LRRC28: variants seen among roughly 807,000 people sequenced by gnomAD.
LRRC28 encodes leucine-rich repeat-containing protein 28.
Under a neutral mutation model 45.7 loss-of-function variants are expected in LRRC28, and 39 were observed. The ratio of observed to expected loss-of-function variants is 0.85; its 90% confidence interval spans 0.66 to 1.12. The LOEUF is 1.12. Ranked by LOEUF, LRRC28 falls within the 50% of genes most tolerant of loss-of-function variation. The pLI is 0.00. For synonymous variants in LRRC28, 206 were observed against 178.8 expected (o/e 1.15, Z -1.22); for missense variants, 435 against 438.5 (o/e 0.99, Z 0.07).
chr15:99,379,020 C>T (rs200926595), intron 9 of LRRC28, among the ~76,000 whole-genome samples: 21,093 of 148,620 alleles, frequency 0.14, 1,565 homozygotes, highest in African/African-American at 0.16. Context: ...TTGTGTCTCG[C>T]CAGGCTTTGG....
Position 99,361,521 on chromosome 15 carries a change from A to C in LRRC28, c.871+10A>C. 6.4e-7 allele frequency: 1 copy of C among 1,562,412 alleles called. No homozygotes were observed. The highest frequency in any genetic ancestry group is 8.6e-7 in the Non-Finnish European group (1 of 1,156,428). The stretch of plus-strand genomic sequence containing the variant: ...CACAGCTTGCTGAAAGGTACGTGGG[A>C]CTTCTGGTTTTCTTATTTTTCTCTC... On this transcript the variant is annotated intron_variant, in intron 8 of 9. Transcript: ENST00000301981.
chr15:99,272,483 G>C (rs927430285), intron 2 of LRRC28, among the ~76,000 whole-genome samples: 1 of 152,196 alleles, frequency 6.6e-6, no homozygotes, highest in East Asian at 1.9e-4. Flanking sequence ...AATGCACAGT[G>C]CCCACCAGAA....
At position 99,389,562 on chromosome 15, in the gene LRRC28, A is replaced by C. The variant is rs575231109; in HGVS notation, c.*3460A>C. On this transcript the variant is annotated 3_prime_UTR_variant, in exon 10 of 10. Transcript: ENST00000301981. ...ATGGATTTCTAACTGGACCAACACT[A>C]ATGTTGCAACCTGATAAAATTTGAG... is the stretch of plus-strand genomic sequence containing the variant. 5.9e-5 allele frequency: 9 copies of C among 152,270 alleles called. No homozygotes were observed. The highest frequency in any genetic ancestry group is 5.9e-4 in the Admixed American group (9 of 15,302). The allele number at this position is 152,270 out of a possible 1,614,324, so 9.4% of individuals were successfully genotyped here.
chr15:99,337,236 T>C (rs1956355322), intron 6 of LRRC28, among the ~76,000 whole-genome samples: 1 of 152,190 alleles, frequency 6.6e-6, no homozygotes, highest in Non-Finnish European at 1.5e-5. Context: ...GGCAGTGTTG[T>C]TGGGAGAATA....
chr15:99,331,491 C>G (rs1180173468), intron 5 of LRRC28, among the ~76,000 whole-genome samples: 1 of 152,130 alleles, frequency 6.6e-6, no homozygotes, highest in Non-Finnish European at 1.5e-5. Flanking sequence ...TGCCTCTGTC[C>G]TAGTCAAATG....
Position 99,389,672 on chromosome 15 carries a change from A to G in LRRC28, c.*3570A>G, listed in dbSNP as rs1255547866. On this transcript the variant is annotated 3_prime_UTR_variant, in exon 10 of 10. Transcript: ENST00000301981. ...ATCCTTACATTACCCTGCCTGTTTT[A>G]TTATGCCTTCATTTTTGTGGTTTTC... 1.3e-5 allele frequency: 2 copies of G among 151,984 alleles called. No homozygotes were observed. Among genetic ancestry groups the G allele is most frequent in the African/African-American group, 2.4e-5 (1 of 41,362 alleles). 9.4% of individuals were successfully genotyped at this position (151,984 alleles called of 1,614,324 possible). A position where few individuals can be genotyped will look rare whatever the true frequency, so the allele number is the denominator to read the frequency against.
At chr15:99,379,301 C>T (rs1172671627) in intron 9 of LRRC28, among the ~76,000 whole-genome samples, 1 of 152,156 alleles carries the variant, frequency 6.6e-6, no homozygotes, top group Non-Finnish European at 1.5e-5. Flanking sequence ...TCCATTTCTT[C>T]TAGATTTTCT....
intron 6 of LRRC28, among the ~76,000 whole-genome samples, chr15:99,340,512 A>G (rs991783970): frequency 6.6e-6 from 1 of 152,246 alleles, no homozygotes; most frequent in Non-Finnish European, 1.5e-5. Flanking sequence ...GTTGGAAACC[A>G]GTTAATAATT....
In LRRC28 at chr15:99,361,427, A is replaced by C; in HGVS notation, c.787A>C (p.Ile263Leu). ...TTTCCTCCCAGCTGAGGTGAAGGCCATAGGGACGGAGCATGATCACGTCCT... is the reference window on the plus strand; with the variant it reads ...TTTCCTCCCAGCTGAGGTGAAGGCCCTAGGGACGGAGCATGATCACGTCCT... ...TVFLPAEVKAIGTEHDHVLPL... is the reference protein window; with the variant it reads ...TVFLPAEVKALGTEHDHVLPL... The change falls in exon 8 of 10, where the codon ATA becomes CTA. Residue 263 changes from isoleucine to leucine, a missense_variant. Transcript: ENST00000301981. 1 of 1,614,026 alleles carries C rather than the reference A, an allele frequency of 6.2e-7. No individual in the cohort carries two copies. Among genetic ancestry groups the C allele is most frequent in the Non-Finnish European group, 8.5e-7 (1 of 1,179,954 alleles).
intron 2 of LRRC28, 91 bp downstream of exon 2, chr15:99,256,216 A>C: frequency 1.0e-6 from 1 of 954,778 alleles, no homozygotes; most frequent in Middle Eastern, 3.2e-4. Context: ...TCAGACCAAG[A>C]CTTATATCCC....
chr15:99,273,576 A>G (rs1026211152), intron 2 of LRRC28, among the ~76,000 whole-genome samples: 3 of 152,108 alleles, frequency 2.0e-5, no homozygotes, highest in Non-Finnish European at 4.4e-5. Flanking sequence ...ATGAACTGCA[A>G]TTTTCTCAAA....
intron 2 of LRRC28, among the ~76,000 whole-genome samples, chr15:99,272,194 C>G (rs1163033778): frequency 6.6e-6 from 1 of 152,156 alleles, no homozygotes; most frequent in Non-Finnish European, 1.5e-5. Context: ...CAGGTTTTGC[C>G]AAACCCTGAG....
chr15:99,355,062 G>A (rs139300938), intron 7 of LRRC28, among the ~76,000 whole-genome samples: 208 of 152,246 alleles, frequency 1.4e-3, no homozygotes, highest in African/African-American at 4.1e-3. Context: ...TTATAAATAG[G>A]TATAAAAACA....
rs889475088 is a variant in LRRC28 at position 99,386,204 on chromosome 15, C to A, written c.*102C>A. On this transcript the variant is annotated 3_prime_UTR_variant, in exon 10 of 10. Coordinates refer to ENST00000301981, the MANE Select transcript of LRRC28 (RefSeq NM_144598.5). ...TGTCCTGTCCAATGCGGGGGCACTGCAGAACTCTCTAGAAATGTCATGATT... is the reference window on the plus strand; with the variant it reads ...TGTCCTGTCCAATGCGGGGGCACTGAAGAACTCTCTAGAAATGTCATGATT... The A allele has an allele frequency of 2.2e-6, 2 of 900,608 alleles. No homozygotes were observed. Among genetic ancestry groups the A allele is most frequent in the African/African-American group, 1.6e-5 (1 of 61,166 alleles). The allele number at this position is 900,608 out of a possible 1,614,324, so 55.8% of individuals were successfully genotyped here.
At chr15:99,352,691 A>G (rs1254549908) in intron 7 of LRRC28, among the ~76,000 whole-genome samples, 2 of 152,290 alleles carry the variant, frequency 1.3e-5, no homozygotes, top group Non-Finnish European at 1.5e-5. Context: ...TTTTTATTAC[A>G]GAAAGAAACA....
chr15:99,275,478 C>T lies in LRRC28; in HGVS notation c.169-1098C>T, dbSNP rs113459712. Among the ~76,000 whole-genome samples, 19 of 152,284 alleles carry T rather than the reference C, an allele frequency of 1.2e-4. 3 individuals are homozygous for T. Among genetic ancestry groups the T allele is most frequent in the African/African-American group, 4.6e-4 (19 of 41,548 alleles). Reference sequence around the variant, plus strand: ...TTAGTCAGGTCTTGTACCTGGGGGCCCTGCAGATTTCCCTTACTTTCTCTC... The same window carrying T: ...TTAGTCAGGTCTTGTACCTGGGGGCTCTGCAGATTTCCCTTACTTTCTCTC... On this transcript the variant is annotated intron_variant, in intron 2 of 9. Coordinates refer to ENST00000301981, the MANE Select transcript of LRRC28 (RefSeq NM_144598.5).
intron 9 of LRRC28, 132 bp downstream of exon 9, chr15:99,363,397 T>A: frequency 1.1e-6 from 1 of 894,606 alleles, no homozygotes; most frequent in Non-Finnish European, 1.6e-6. Context: ...GAGAAACAGC[T>A]AAATGAAACG....
At chr15:99,259,705 G>T (rs2081137381) in intron 2 of LRRC28, 6 of 1,414,544 alleles carry the variant, frequency 4.2e-6, no homozygotes, top group Non-Finnish European at 5.0e-6. Flanking sequence ...TCAGAGACAT[G>T]CTTCGACGAA....
intron 2 of LRRC28, chr15:99,257,828 A>C: frequency 1.3e-6 from 1 of 778,160 alleles, no homozygotes. Flanking sequence ...CATCACAAAT[A>C]AGAGAACTTA....
Sources: gnomAD v4.1 joint callset for allele counts (sites outside exome capture counted in the v4.1 genomes callset) on GRCh38, gnomAD v4.1.1 for gene constraint, MANE v1.5 for transcripts, NCBI Gene and HGNC (gene_info 2026-07-23, HGNC 2026-07-21) for gene names.